Variants in IL1RAPL1 observed in about 807,000 individuals in gnomAD.
IL1RAPL1 encodes interleukin 1 receptor accessory protein like 1, also known as interleukin-1 receptor accessory protein-like 1.
A neutral mutation model predicts 48.4 loss-of-function variants in IL1RAPL1; 3 were observed. That is an observed-to-expected ratio of 0.06 (90% CI 0.03 to 0.16). The LOEUF (loss-of-function observed/expected upper bound fraction) is 0.16, where lower values mean the gene tolerates loss of function less well. Ranked by LOEUF, IL1RAPL1 falls within the 10% of genes least tolerant of loss-of-function variation. The probability of loss-of-function intolerance (pLI) is 1.00; values close to 1 mark genes in which losing one functional copy is unlikely to be tolerated. For synonymous variants in IL1RAPL1, 185 were observed against 187.7 expected (o/e 0.99, Z 0.12); for missense variants, 349 against 530.6 (o/e 0.66, Z 3.36).
At chrX:29,009,359 G>GA (rs752921152) in intron 2 of IL1RAPL1, among the ~76,000 whole-genome samples, 1 of 110,602 alleles carries the variant, frequency 9.0e-6, no homozygotes, top group Non-Finnish European at 1.9e-5. Context: ...GTAAAAGTTG[G>GA]AAAAAAAAGA....
At chrX:29,161,408 T>C (rs1929681998) in intron 2 of IL1RAPL1, among the ~76,000 whole-genome samples, 1 of 112,311 alleles carries the variant, frequency 8.9e-6, no homozygotes, top group South Asian at 3.7e-4. Context: ...TGATGATTAT[T>C]GAAGCTAACG....
chrX:28,776,247 A>G (rs1358129995), intron 1 of IL1RAPL1, among the ~76,000 whole-genome samples: 1 of 111,867 alleles, frequency 8.9e-6, no homozygotes, highest in East Asian at 2.8e-4. Flanking sequence ...ACTAATGTGT[A>G]GTATTTCTAG....
chrX:29,766,356 TATATATAG>T (rs1440499511), intron 6 of IL1RAPL1, among the ~76,000 whole-genome samples: 14 of 77,060 alleles, frequency 1.8e-4, no homozygotes, highest in African/African-American at 4.3e-4. Flanking sequence ...TATATATATA[TATATATAG>T]ATAGATAGAT....
intron 2 of IL1RAPL1, among the ~76,000 whole-genome samples, chrX:29,022,040 G>A (rs1382729413): frequency 2.7e-5 from 3 of 111,423 alleles, no homozygotes; most frequent in East Asian, 5.6e-4. Flanking sequence ...GCACTTTTTG[G>A]ATTCCCTTTT....
intron 6 of IL1RAPL1, among the ~76,000 whole-genome samples, chrX:29,684,123 T>A (rs1349559382): frequency 8.9e-6 from 1 of 112,037 alleles, no homozygotes; most frequent in Non-Finnish European, 1.9e-5. Flanking sequence ...TATAAATACA[T>A]ACACCTACTA....
intron 2 of IL1RAPL1, among the ~76,000 whole-genome samples, chrX:28,853,941 G>A (rs1024137117): frequency 1.8e-5 from 2 of 111,616 alleles, no homozygotes; most frequent in Non-Finnish European, 3.8e-5. Context: ...ATCATAGTGA[G>A]GTTTTCATTG....
intron 2 of IL1RAPL1, among the ~76,000 whole-genome samples, chrX:29,229,791 C>T (rs778986375): frequency 1.5e-4 from 17 of 112,083 alleles, no homozygotes; most frequent in Non-Finnish European, 2.4e-4. Context: ...TAATTAGCCA[C>T]CCTTTCTTAT....
chrX:29,929,208 G>A (rs1007950304), intron 8 of IL1RAPL1, among the ~76,000 whole-genome samples: 8 of 111,278 alleles, frequency 7.2e-5, no homozygotes, highest in African/African-American at 9.8e-5. Flanking sequence ...ACCATTAAGC[G>A]AAATTTGATA....
In IL1RAPL1 at chrX:29,224,251, T is replaced by C. The variant is rs1171374552; in HGVS notation, c.83-58687T>C. Among the ~76,000 whole-genome samples, 4 of 111,537 alleles carry C rather than the reference T, an allele frequency of 3.6e-5. No individual in the cohort carries two copies. In the East Asian group the frequency reaches 1.1e-3, roughly 31 times the overall value. On this transcript the variant is annotated intron_variant, in intron 2 of 10. Transcript: ENST00000378993. ...GGTGGTACTCTTTAAACTCATGCTA[T>C]GTTGTCAGTATTAACATTTCCAAAG...
intron 3 of IL1RAPL1, among the ~76,000 whole-genome samples, chrX:29,306,482 T>C (rs1375535434): frequency 1.2e-5 from 1 of 85,970 alleles, no homozygotes; most frequent in Admixed American, 1.6e-4. Context: ...CAAGCCAAGA[T>C]CGTGCCACTG....
At chrX:28,729,630 G>C (rs1296248780) in intron 1 of IL1RAPL1, among the ~76,000 whole-genome samples, 1 of 110,670 alleles carries the variant, frequency 9.0e-6, no homozygotes, top group Non-Finnish European at 1.9e-5. Context: ...ATATGTTATA[G>C]AAAATTATCT....
intron 3 of IL1RAPL1, among the ~76,000 whole-genome samples, chrX:29,368,421 C>T (rs1341446224): frequency 9.0e-6 from 1 of 111,074 alleles, no homozygotes; most frequent in African/African-American, 3.3e-5. Context: ...TTGCTTTGCC[C>T]ACCAGGCTGG....
intron 2 of IL1RAPL1, among the ~76,000 whole-genome samples, chrX:28,843,120 C>A (rs973883891): frequency 1.8e-5 from 2 of 110,738 alleles, no homozygotes; most frequent in Non-Finnish European, 3.8e-5. Context: ...AGTTATGCAG[C>A]ATCTATTTAT....
Position 29,495,507 on chromosome X carries a change from G to A in IL1RAPL1, c.703+96199G>A, listed in dbSNP as rs141506616. On this transcript the variant is annotated intron_variant, in intron 5 of 10. Transcript: ENST00000378993. ...GACTTTACATTTAATCACCTTTCCA[G>A]ACCAAGTCTCCAGACCCAGCTGAAG... Among the ~76,000 whole-genome samples, 40 of 111,082 alleles carry A rather than the reference G, an allele frequency of 3.6e-4. No individual in the cohort carries two copies. In the East Asian group the frequency reaches 0.011, roughly 31 times the overall value.
At chrX:29,756,160 A>G (rs970273088) in intron 6 of IL1RAPL1, among the ~76,000 whole-genome samples, 5 of 111,847 alleles carry the variant, frequency 4.5e-5, no homozygotes, top group African/African-American at 1.6e-4. Context: ...ATCTCCTAGT[A>G]TACTGAAATA....
At chrX:29,244,916 C>G (rs1352777599) in intron 2 of IL1RAPL1, among the ~76,000 whole-genome samples, 2 of 110,462 alleles carry the variant, frequency 1.8e-5, no homozygotes, top group African/African-American at 3.3e-5. Flanking sequence ...TTAATGCTAT[C>G]TCTCCCCTAG....
At chrX:29,412,627 A>G (rs966647103) in intron 5 of IL1RAPL1, among the ~76,000 whole-genome samples, 1 of 111,879 alleles carries the variant, frequency 8.9e-6, no homozygotes, top group Non-Finnish European at 1.9e-5. Context: ...TTAATTGTAT[A>G]TGTAGTTCGG....
At chrX:29,695,597 C>CGAGAGAGAGAGAGAGA (rs10635140) in intron 6 of IL1RAPL1, among the ~76,000 whole-genome samples, 69 of 94,872 alleles carry the variant, frequency 7.3e-4, no homozygotes, top group African/African-American at 2.5e-3. Flanking sequence ...TGCAAGGTGG[C>CGAGAGAGAGAGAGAGA]GAGAGAGAGA....
chrX:29,298,991 G>C lies in IL1RAPL1; in HGVS notation c.362+15774G>C, dbSNP rs183038708. 1.7e-3 allele frequency among the ~76,000 whole-genome samples: 189 copies of C among 109,624 alleles called. 1 individual carries two copies. The highest frequency in any genetic ancestry group is 5.9e-3 in the African/African-American group (176 of 30,063). On this transcript the variant is annotated intron_variant, in intron 3 of 10. Coordinates refer to ENST00000378993, the MANE Select transcript of IL1RAPL1 (RefSeq NM_014271.4). ...TTGAGTCAGTGAGCTAGGAAAGGCA[G>C]ACCCACCCTTAATCTGGGTGGGCAC...
Sources: gnomAD v4.1 joint callset for allele counts (sites outside exome capture counted in the v4.1 genomes callset) on GRCh38, gnomAD v4.1.1 for gene constraint, MANE v1.5 for transcripts, NCBI Gene and HGNC (gene_info 2026-07-23, HGNC 2026-07-21) for gene names.